CNBD1: variants seen among roughly 807,000 people sequenced by gnomAD.
CNBD1 encodes the protein cyclic nucleotide-binding domain-containing protein 1.
CNBD1 carries 71 observed loss-of-function variants against 54.4 expected under a neutral mutation model. The ratio of observed to expected loss-of-function variants is 1.30; its 90% CI spans 1.08 to 1.59. The LOEUF (loss-of-function observed/expected upper bound fraction) is 1.59. CNBD1 is among the 40% of genes most tolerant of loss of function. The pLI is 0.00. For missense variants in CNBD1, 659 were observed against 518.0 expected (o/e 1.27, Z -2.64); for synonymous variants, 182 against 170.7 (o/e 1.07, Z -0.51).
rs566603214 is a variant in CNBD1, at chr8:86,893,731, A to T, written c.158+6120A>T. Among the ~76,000 whole-genome samples the T allele has an allele frequency of 2.6e-5, 4 of 152,228 alleles. No individual in the cohort carries two copies. In the South Asian group the frequency reaches 8.3e-4, roughly 32 times the overall value. ...TTTCAGTGCATGATACATAGCTGACATTCAAAAAATACTTGTGGAATGCCT... is the reference window on the plus strand; with the variant it reads ...TTTCAGTGCATGATACATAGCTGACTTTCAAAAAATACTTGTGGAATGCCT... On this transcript the variant is annotated intron_variant, in intron 2 of 10. Coordinates refer to ENST00000518476, the MANE Select transcript of CNBD1 (RefSeq NM_173538.3).
chr8:87,196,716 G>A (rs1430147935), intron 4 of CNBD1, among the ~76,000 whole-genome samples: 1 of 152,180 alleles, frequency 6.6e-6, no homozygotes, highest in Non-Finnish European at 1.5e-5. Context: ...TCAGAAGCCA[G>A]ATACCACTTG....
chr8:87,063,990 AT>A (rs1810595748), intron 4 of CNBD1, among the ~76,000 whole-genome samples: 1 of 151,996 alleles, frequency 6.6e-6, no homozygotes, highest in Non-Finnish European at 1.5e-5. Context: ...TAAATCAAAA[AT>A]TTATCTGTCA....
chr8:86,949,824 C>G (rs1807559184), intron 4 of CNBD1, among the ~76,000 whole-genome samples: 2 of 151,550 alleles, frequency 1.3e-5, no homozygotes, highest in South Asian at 4.2e-4. Flanking sequence ...ACTTTTTATC[C>G]CATTCAGTAT....
At chr8:86,976,982 A>C (rs1808357550) in intron 4 of CNBD1, among the ~76,000 whole-genome samples, 1 of 152,006 alleles carries the variant, frequency 6.6e-6, no homozygotes, top group Non-Finnish European at 1.5e-5. Context: ...AAACAATTTT[A>C]CTTTTTCCTT....
intron 10 of CNBD1, among the ~76,000 whole-genome samples, chr8:87,369,999 T>A (rs533330700): frequency 0.012 from 1,766 of 152,080 alleles, 34 homozygotes; most frequent in African/African-American, 0.038. Flanking sequence ...GTCCCTGCAA[T>A]AGTTTACTGA....
At chr8:87,080,375 A>T (rs1055248905) in intron 4 of CNBD1, among the ~76,000 whole-genome samples, 3 of 152,002 alleles carry the variant, frequency 2.0e-5, no homozygotes, top group African/African-American at 7.3e-5. Flanking sequence ...CAAGGTCAGG[A>T]GTTTGAGACC....
At chr8:87,235,556 A>G (rs537301268) in intron 5 of CNBD1, among the ~76,000 whole-genome samples, 1 of 152,170 alleles carries the variant, frequency 6.6e-6, no homozygotes, top group Non-Finnish European at 1.5e-5. Flanking sequence ...AGGGCAGTCC[A>G]AACACACACA....
intron 2 of CNBD1, among the ~76,000 whole-genome samples, chr8:87,390,454 A>C (rs1811284490): frequency 6.6e-6 from 1 of 152,230 alleles, no homozygotes; most frequent in South Asian, 2.1e-4. Flanking sequence ...ACTTCTCAAA[A>C]GAAGACATTT....
intron 4 of CNBD1, among the ~76,000 whole-genome samples, chr8:87,096,262 G>A (rs1197434540): frequency 6.6e-6 from 1 of 151,524 alleles, no homozygotes; most frequent in Non-Finnish European, 1.5e-5. Context: ...ACTAGATGAA[G>A]TCCCTATTTG....
At chr8:87,189,478 G>T (rs1206729184) in intron 4 of CNBD1, among the ~76,000 whole-genome samples, 1 of 152,150 alleles carries the variant, frequency 6.6e-6, no homozygotes, top group East Asian at 1.9e-4. Context: ...TAGTATTCTG[G>T]TGGGTATACC....
intron 4 of CNBD1, among the ~76,000 whole-genome samples, chr8:87,103,107 T>G (rs1264284122): frequency 1.3e-5 from 2 of 152,074 alleles, no homozygotes. Context: ...GTAAATAGAT[T>G]TAAAGTTTCA....
chr8:87,378,898 T>C (rs184768265), intron 10 of CNBD1, among the ~76,000 whole-genome samples: 1 of 149,352 alleles, frequency 6.7e-6, no homozygotes, highest in Non-Finnish European at 1.5e-5. Flanking sequence ...TCCTAGGTAT[T>C]TTATTCTCTT....
intron 4 of CNBD1, among the ~76,000 whole-genome samples, chr8:87,137,537 C>T (rs1586282644): frequency 6.6e-6 from 1 of 152,110 alleles, no homozygotes; most frequent in East Asian, 1.9e-4. Context: ...AAACTTATAA[C>T]ACGTTATAAA....
At chr8:87,280,173 A>G (rs1808570469) in intron 6 of CNBD1, among the ~76,000 whole-genome samples, 1 of 151,566 alleles carries the variant, frequency 6.6e-6, no homozygotes, top group South Asian at 2.1e-4. Flanking sequence ...CATTCTCCCG[A>G]AGCATGTGAA....
At chr8:87,251,568 A>G (rs1807918307) in intron 6 of CNBD1, among the ~76,000 whole-genome samples, 1 of 150,238 alleles carries the variant, frequency 6.7e-6, no homozygotes, top group Non-Finnish European at 1.5e-5. Flanking sequence ...AGCCTGTACA[A>G]CAAGAGCGAA....
chr8:86,961,365 A>T (rs576398369), intron 4 of CNBD1, among the ~76,000 whole-genome samples: 1 of 152,342 alleles, frequency 6.6e-6, no homozygotes, highest in East Asian at 1.9e-4. Flanking sequence ...GCCAAACAGC[A>T]CCAAAGGAGA....
intron 4 of CNBD1, among the ~76,000 whole-genome samples, chr8:87,096,116 T>G (rs981936202): frequency 2.0e-5 from 3 of 152,182 alleles, no homozygotes; most frequent in African/African-American, 7.2e-5. Flanking sequence ...GGGACTATTT[T>G]GTAGGAAATG....
chr8:87,226,812 G>C (rs1192789817), intron 5 of CNBD1, among the ~76,000 whole-genome samples: 1 of 151,226 alleles, frequency 6.6e-6, no homozygotes, highest in Admixed American at 6.6e-5. Flanking sequence ...TTTCTGTCTC[G>C]TTGATCTGTC....
At chr8:87,194,677 T>C (rs1257358357) in intron 4 of CNBD1, among the ~76,000 whole-genome samples, 1 of 152,344 alleles carries the variant, frequency 6.6e-6, no homozygotes, top group South Asian at 2.1e-4. Flanking sequence ...TCTTTCTACA[T>C]AGAATATTTT....
Sources: allele counts gnomAD v4.1 joint callset (sites outside exome capture counted in the v4.1 genomes callset), GRCh38; gene constraint gnomAD v4.1.1; transcripts MANE v1.5; gene names NCBI Gene and HGNC (gene_info 2026-07-23, HGNC 2026-07-21).